Variants in PTDSS1 observed in about 807,000 individuals in gnomAD.
The protein encoded by PTDSS1 is PSS-1.
PTDSS1 carries 45 observed loss-of-function variants against 70.5 expected under a neutral mutation model. The observed-to-expected ratio is 0.64, with a 90% CI of 0.50 to 0.82. The LOEUF (loss-of-function observed/expected upper bound fraction) is 0.82, where lower values mean the gene tolerates loss of function less well. Among genes scored for constraint, PTDSS1 ranks in the 40% least tolerant of loss-of-function variants. The pLI, the probability that PTDSS1 is intolerant of heterozygous loss-of-function variation, is 0.00. For synonymous variants in PTDSS1, 188 were observed against 203.8 expected, an observed-to-expected ratio of 0.92 and a Z score of 0.66; for missense variants, 417 against 586.1, an observed-to-expected ratio of 0.71 and a Z score of 2.98.
At chr8:96,326,680 C>T (rs1036817425) in intron 10 of PTDSS1, among the ~76,000 whole-genome samples, 24 of 152,112 alleles carry the variant, frequency 1.6e-4, no homozygotes, top group African/African-American at 2.4e-4. Context: ...GGGCTTTGTG[C>T]GGCTGTAGTT....
intron 1 of PTDSS1, among the ~76,000 whole-genome samples, chr8:96,271,989 A>T (rs1001265243): frequency 6.6e-6 from 1 of 151,964 alleles, no homozygotes; most frequent in East Asian, 1.9e-4. Flanking sequence ...TGCTTTGCCC[A>T]TTTTTCTATT....
chr8:96,279,358 T>C (rs1037460809), intron 2 of PTDSS1, among the ~76,000 whole-genome samples: 2 of 151,968 alleles, frequency 1.3e-5, no homozygotes, highest in African/African-American at 4.8e-5. Flanking sequence ...TATCATTGTT[T>C]CTTCTTCTGT....
Position 96,295,215 on chromosome 8 carries a change from G to C in PTDSS1, c.559G>C (p.Gly187Arg). The C allele has an allele frequency of 6.2e-7, 1 of 1,614,108 alleles. No individual in the cohort carries two copies. The highest frequency in any genetic ancestry group is 1.1e-5 in the South Asian group (1 of 91,076). Residue 187 changes from glycine (G) to arginine (R), a missense_variant, in exon 5 of 13, where the codon GGT becomes CGT. Physicochemically the swap from Gly to Arg is moderately radical, Grantham distance 125. This residue lies in a region of PTDSS1 where 272 missense variants were observed against 429.5 expected (regional missense o/e 0.63). Transcript: ENST00000517309. ...GAAGGCCTTGCTGATCCGTAGTTAC[G>C]GTCTCTGCTGGACAATCAGTATTAC... ...AMKALLIRSY[G>R]LCWTISITWE...
At chr8:96,278,000 G>C (rs1434629453) in intron 2 of PTDSS1, among the ~76,000 whole-genome samples, 10 of 152,220 alleles carry the variant, frequency 6.6e-5, no homozygotes, top group African/African-American at 2.4e-4. Context: ...TCAGTGACCT[G>C]TGAAGACCCA....
At chr8:96,311,928 T>G (rs1396911835) in intron 9 of PTDSS1, among the ~76,000 whole-genome samples, 12 of 152,208 alleles carry the variant, frequency 7.9e-5, no homozygotes, top group Admixed American at 7.8e-4. Context: ...TTTCCTGCAT[T>G]TGAGCTCTTC....
At chr8:96,325,944 G>T (rs1286873509) in intron 10 of PTDSS1, among the ~76,000 whole-genome samples, 1 of 152,090 alleles carries the variant, frequency 6.6e-6, no homozygotes, top group Non-Finnish European at 1.5e-5. Context: ...GTGAGGGGTG[G>T]AGGGAAGCAG....
Position 96,262,290 on chromosome 8 carries a change from A to AGGGGGGGGGGGT in PTDSS1, c.179+77_179+78insGGGGGTGGGGGG. 2.6e-6 allele frequency: 1 copy of AGGGGGGGGGGGT among 387,408 alleles called. No homozygotes were observed. Among genetic ancestry groups the AGGGGGGGGGGGT allele is most frequent in the Non-Finnish European group, 5.0e-6 (1 of 201,922 alleles). 24.0% of individuals were successfully genotyped at this position (387,408 alleles called of 1,614,324 possible). The stretch of plus-strand genomic sequence containing the variant: ...AGAGGCGGGAGGGAGGGTGGCGGGG[A>AGGGGGGGGGGGT]GGGGGGCCCGGCATGGCTCTGGGTG... On this transcript the variant is annotated intron_variant, in intron 1 of 12. Coordinates refer to ENST00000517309, the MANE Select transcript of PTDSS1 (RefSeq NM_014754.3). The surrounding 1 kb of genome is among the most constrained non-coding windows in gnomAD (Gnocchi z 4.4).
chr8:96,310,465 GCT>G (rs902719918), intron 9 of PTDSS1, among the ~76,000 whole-genome samples: 1 of 150,238 alleles, frequency 6.7e-6, no homozygotes, highest in Non-Finnish European at 1.5e-5. Context: ...CCCGGCCTTG[GCT>G]CTCTTTTTTT....
intron 5 of PTDSS1, among the ~76,000 whole-genome samples, chr8:96,296,673 C>T (rs538174218): frequency 1.3e-5 from 2 of 152,304 alleles, no homozygotes; most frequent in East Asian, 1.9e-4. Context: ...TTACATATGC[C>T]TTCTAAGTCC....
At chr8:96,314,238 G>C (rs7839347) in intron 9 of PTDSS1, among the ~76,000 whole-genome samples, 1 of 151,834 alleles carries the variant, frequency 6.6e-6, no homozygotes, top group Non-Finnish European at 1.5e-5. Context: ...GTAGAGACAG[G>C]GTTTCACCAT....
intron 2 of PTDSS1, among the ~76,000 whole-genome samples, chr8:96,281,904 C>T (rs907597776): frequency 2.6e-5 from 4 of 152,192 alleles, no homozygotes; most frequent in Non-Finnish European, 5.9e-5. Flanking sequence ...ACCTTTGTCA[C>T]TGAGTCCTTA....
At chr8:96,314,459 G>A (rs1035436720) in intron 9 of PTDSS1, among the ~76,000 whole-genome samples, 9 of 152,130 alleles carry the variant, frequency 5.9e-5, no homozygotes, top group Non-Finnish European at 1.0e-4. Context: ...CCAGCACAGG[G>A]GAGTCACCGC....
chr8:96,329,294 G>T (rs1298809479), intron 10 of PTDSS1, among the ~76,000 whole-genome samples: 1 of 152,144 alleles, frequency 6.6e-6, no homozygotes, highest in Admixed American at 6.5e-5. Context: ...GAAGGAGCTG[G>T]CAGTTGCCTT....
intron 9 of PTDSS1, among the ~76,000 whole-genome samples, chr8:96,319,781 T>C (rs1463786500): frequency 6.6e-6 from 1 of 152,160 alleles, no homozygotes; most frequent in Non-Finnish European, 1.5e-5. Context: ...ACCTGCGACA[T>C]GCTAGGGTAA....
intron 2 of PTDSS1, among the ~76,000 whole-genome samples, 187 bp from the exon 3 acceptor site, chr8:96,283,922 G>A (rs9969443): frequency 2.0e-5 from 3 of 151,236 alleles, no homozygotes; most frequent in Admixed American, 6.6e-5. Context: ...GGTGACAGTC[G>A]TTATAATGTG....
rs1295032798 is a variant in PTDSS1, at chr8:96,276,970, G to GCACACA, written c.271+3583_271+3584insACACAC. Among the ~76,000 whole-genome samples, 317 of 115,538 alleles carry GCACACA rather than the reference G, an allele frequency of 2.7e-3. 1 individual carries two copies. The highest frequency in any genetic ancestry group is 9.5e-3 in the African/African-American group (297 of 31,298). 75.8% of individuals were successfully genotyped at this position (115,538 alleles called of 152,430 possible). A position where few individuals can be genotyped will look rare whatever the true frequency, so the allele number is the denominator to read the frequency against. On this transcript the variant is annotated intron_variant, in intron 2 of 12. Coordinates refer to ENST00000517309, the MANE Select transcript of PTDSS1 (RefSeq NM_014754.3). ...TCTCCTCCCGGGCACATACACGCGC[G>GCACACA]CACGCGCGCGCACACACACACACAC...
At chr8:96,283,909 T>A in intron 2 of PTDSS1, 200 bp from the exon 3 acceptor site, 1 of 524,288 alleles carries the variant, frequency 1.9e-6, no homozygotes, top group Middle Eastern at 4.7e-4. Flanking sequence ...CTGTGATGAT[T>A]GTGGTGACAG....
At chr8:96,273,114 G>A (rs774702623) in intron 1 of PTDSS1, among the ~76,000 whole-genome samples, 185 bp from the exon 2 acceptor site, 14 of 152,150 alleles carry the variant, frequency 9.2e-5, no homozygotes, top group East Asian at 1.9e-4. Flanking sequence ...TGTTAGTGCC[G>A]TTTGGACACA....
At chr8:96,302,610 C>T (rs1332856921) in intron 6 of PTDSS1, among the ~76,000 whole-genome samples, 1 of 152,056 alleles carries the variant, frequency 6.6e-6, no homozygotes, top group African/African-American at 2.4e-5. Context: ...GAGGCATAGT[C>T]TCACTCTGTC....
Sources: allele counts gnomAD v4.1 joint callset (sites outside exome capture counted in the v4.1 genomes callset), GRCh38; gene constraint gnomAD v4.1.1; regional missense constraint gnomAD v4.1.1; non-coding constraint Gnocchi (gnomAD v3.1); transcripts MANE v1.5; gene names NCBI Gene and HGNC (gene_info 2026-07-23, HGNC 2026-07-21).